Variants in ZNF680 observed in about 807,000 individuals in gnomAD.
The protein encoded by ZNF680 is zinc finger protein 680, also known as hypothetical protein FLJ90430.
A neutral mutation model predicts 12.1 loss-of-function variants in ZNF680; 6 were observed. That is an observed-to-expected ratio of 0.49 (90% confidence interval 0.27 to 0.98). The LOEUF is 0.98. ZNF680 is among the 50% of genes least tolerant of loss of function. ZNF680 has a pLI of 0.12. For missense variants in ZNF680, 561 were observed against 616.3 expected (o/e 0.91, Z 0.95); for synonymous variants, 170 against 199.3 (o/e 0.85, Z 1.24).
chr7:64,509,214 A>G, the ZNF680 span, among the ~76,000 whole-genome samples: 1 of 152,208 alleles, frequency 6.6e-6, no homozygotes, highest in Non-Finnish European at 1.5e-5. Flanking sequence ...CTAATCCTGC[A>G]GTGCCACATA....
chr7:64,512,326 G>A, the ZNF680 span, among the ~76,000 whole-genome samples: 17 of 149,852 alleles, frequency 1.1e-4, no homozygotes, highest in South Asian at 2.5e-3. Context: ...GGTGGCGTGC[G>A]CCTGTAGTCC....
In ZNF680 at chr7:64,553,855, G is replaced by A. The variant is rs144901477; in HGVS notation, c.30+9070C>T. ...GCCCGCCACGGCCTCCCGAGGTGCC[G>A]GGATTGCAGACGGAGTCTCGCTCAC... On this transcript the variant is annotated intron_variant, in intron 1 of 3. Coordinates refer to ENST00000309683, the MANE Select transcript of ZNF680 (RefSeq NM_178558.5). Among the ~76,000 whole-genome samples, 258 of 152,308 alleles carry A rather than the reference G, an allele frequency of 1.7e-3. 2 individuals are homozygous for A. Among genetic ancestry groups the A allele is most frequent in the African/African-American group, 5.4e-3 (225 of 41,564 alleles).
At chr7:64,547,209 T>G (rs1786832516) in intron 1 of ZNF680, among the ~76,000 whole-genome samples, 1 of 152,206 alleles carries the variant, frequency 6.6e-6, no homozygotes, top group Non-Finnish European at 1.5e-5. Flanking sequence ...ATGGGTGTTT[T>G]AAACAAATCC....
chr7:64,533,679 T>C (rs61306561), intron 3 of ZNF680, among the ~76,000 whole-genome samples: 11,731 of 143,962 alleles, frequency 0.081, 909 homozygotes, highest in East Asian at 0.36. Flanking sequence ...CTAAAATGTA[T>C]ACAGAACGAA....
the ZNF680 span, among the ~76,000 whole-genome samples, chr7:64,503,153 TAGC>T: frequency 8.4e-3 from 1,286 of 152,300 alleles, 14 homozygotes; most frequent in African/African-American, 0.03. Context: ...AAGAAGCTGT[TAGC>T]AACTTAGTAT....
chr7:64,556,976 TAC>T (rs916637052), intron 1 of ZNF680, among the ~76,000 whole-genome samples: 4 of 152,310 alleles, frequency 2.6e-5, no homozygotes, highest in African/African-American at 9.6e-5. Flanking sequence ...GCGGGACGGG[TAC>T]AGTGGCTCAC....
chr7:64,509,495 G>C, the ZNF680 span, among the ~76,000 whole-genome samples: 1 of 152,150 alleles, frequency 6.6e-6, no homozygotes, highest in Non-Finnish European at 1.5e-5. Context: ...ATTCAAACGA[G>C]ACAGAAATTT....
At chr7:64,503,675 T>C in the ZNF680 span, among the ~76,000 whole-genome samples, 1 of 152,216 alleles carries the variant, frequency 6.6e-6, no homozygotes, top group Non-Finnish European at 1.5e-5. Flanking sequence ...CCACTGCACC[T>C]GGCCATCTGT....
the ZNF680 span, among the ~76,000 whole-genome samples, chr7:64,504,368 TA>T: frequency 3.3e-5 from 5 of 152,222 alleles, no homozygotes; most frequent in Admixed American, 3.3e-4. Context: ...TTATTTGGCT[TA>T]AAGTACTGGT....
chr7:64,522,440 T>G lies in ZNF680; in HGVS notation c.314A>C (p.Gln105Pro). ...WPEHSIKDSFQKVILRGYGKC... is the reference protein window; with the variant it reads ...WPEHSIKDSFPKVILRGYGKC... ...TCCATATCCTCTCAGTATCACTTTT[T>G]GAAAAGAATCTTTTATGCTATGCTC... The change falls in exon 4 of 4, where the codon CAA becomes CCA. Residue 105 changes from glutamine to proline, a missense_variant. Physicochemically the swap from Gln to Pro is moderately conservative, Grantham distance 76 (BLOSUM62 -1). Transcript: ENST00000309683. The G allele has an allele frequency of 6.3e-7, 1 of 1,599,962 alleles. No homozygotes were observed. Among genetic ancestry groups the G allele is most frequent in the Admixed American group, 1.7e-5 (1 of 57,528 alleles).
At chr7:64,543,399 A>ATATT (rs1786610083) in intron 3 of ZNF680, among the ~76,000 whole-genome samples, 1 of 152,168 alleles carries the variant, frequency 6.6e-6, no homozygotes, top group African/African-American at 2.4e-5. Flanking sequence ...AATTTTGCAG[A>ATATT]TATTTGTGTG....
intron 1 of ZNF680, among the ~76,000 whole-genome samples, chr7:64,553,356 G>C (rs971009173): frequency 1.3e-5 from 2 of 152,030 alleles, no homozygotes; most frequent in African/African-American, 4.8e-5. Context: ...TAAGAAAAGA[G>C]AGATGAGGAT....
the ZNF680 span, among the ~76,000 whole-genome samples, chr7:64,505,896 C>A: frequency 6.6e-6 from 1 of 152,028 alleles, no homozygotes. Context: ...AAGCAGCTTA[C>A]AGCATGGCCC....
intron 1 of ZNF680, among the ~76,000 whole-genome samples, chr7:64,544,935 G>A (rs1427406001): frequency 6.6e-6 from 1 of 152,084 alleles, no homozygotes; most frequent in Non-Finnish European, 1.5e-5. Context: ...GGCCCAAGAA[G>A]AGTATTTTGT....
chr7:64,517,560 C>T (rs540096528), downstream of ZNF680, among the ~76,000 whole-genome samples: 6 of 151,940 alleles, frequency 3.9e-5, no homozygotes, highest in Admixed American at 6.6e-5. Context: ...CTATTCCACA[C>T]GACACGGTAA....
chr7:64,510,602 T>C, the ZNF680 span, among the ~76,000 whole-genome samples: 1 of 152,068 alleles, frequency 6.6e-6, no homozygotes, highest in Admixed American at 6.5e-5. Context: ...TTTTTAATTT[T>C]CTAGCAGGTA....
At chr7:64,511,606 C>G in the ZNF680 span, among the ~76,000 whole-genome samples, 1 of 146,068 alleles carries the variant, frequency 6.8e-6, no homozygotes, top group Non-Finnish European at 1.5e-5. Flanking sequence ...AAAAAAAAAC[C>G]TTGCCCTTGC....
At chr7:64,552,467 T>C (rs947389059) in intron 1 of ZNF680, among the ~76,000 whole-genome samples, 2 of 152,210 alleles carry the variant, frequency 1.3e-5, no homozygotes, top group African/African-American at 4.8e-5. Flanking sequence ...GGTGGTCACA[T>C]CATTTGTGTT....
chr7:64,535,966 AC>A, intron 3 of ZNF680, among the ~76,000 whole-genome samples: 1 of 152,194 alleles, frequency 6.6e-6, no homozygotes. Flanking sequence ...ACACAAACAA[AC>A]AAATAAGTCA....
Sources: allele counts gnomAD v4.1 joint callset (sites outside exome capture counted in the v4.1 genomes callset), GRCh38; gene constraint gnomAD v4.1.1; transcripts MANE v1.5; gene names NCBI Gene and HGNC (gene_info 2026-07-23, HGNC 2026-07-21).